The following PLOD2 variants were observed in gnomAD, a reference collection of about 807,000 sequenced individuals.
The protein encoded by PLOD2 is lysine hydroxylase 2.
A neutral mutation model predicts 101.0 loss-of-function variants in PLOD2; 65 were observed. The observed-to-expected ratio is 0.64, with a 90% CI of 0.53 to 0.79. PLOD2 has a LOEUF of 0.79. Among genes scored for constraint, PLOD2 ranks in the 30% least tolerant of loss-of-function variants. The pLI is 0.00. For missense variants in PLOD2, 909 were observed against 914.6 expected, an observed-to-expected ratio of 0.99 and a Z score of 0.08; for synonymous variants, 314 against 302.9, an observed-to-expected ratio of 1.04 and a Z score of -0.38.
intron 1 of PLOD2, among the ~76,000 whole-genome samples, chr3:146,150,289 T>G (rs1311060757): frequency 6.6e-6 from 1 of 152,178 alleles, no homozygotes; most frequent in Admixed American, 6.5e-5. Flanking sequence ...ATCCAAAAGT[T>G]GAATCTAGGT....
intron 14 of PLOD2, 135 bp from the exon 15 acceptor site, chr3:146,077,030 T>C (rs547395378): frequency 7.6e-7 from 1 of 1,307,428 alleles, no homozygotes; most frequent in East Asian, 2.7e-5. Flanking sequence ...AGTATTCATA[T>C]AAAATGTGCA....
At chr3:146,153,818 T>C (rs531528580) in intron 1 of PLOD2, among the ~76,000 whole-genome samples, 1 of 138,476 alleles carries the variant, frequency 7.2e-6, no homozygotes, top group East Asian at 2.1e-4. Flanking sequence ...AATTTTTACC[T>C]GTCCACAGCA....
At chr3:146,113,748 CAT>C (rs1937758295) in intron 3 of PLOD2, among the ~76,000 whole-genome samples, 1 of 152,074 alleles carries the variant, frequency 6.6e-6, no homozygotes, top group South Asian at 2.1e-4. Flanking sequence ...GTTAGTAAAT[CAT>C]GTGTGTTTAA....
chr3:146,138,479 A>C (rs2031358135), intron 1 of PLOD2, among the ~76,000 whole-genome samples: 1 of 152,182 alleles, frequency 6.6e-6, no homozygotes, highest in Non-Finnish European at 1.5e-5. Flanking sequence ...GGGTGACCTG[A>C]AGCAAAGGAA....
chr3:146,081,425 C>T (rs1444909229), intron 12 of PLOD2, among the ~76,000 whole-genome samples: 2 of 151,998 alleles, frequency 1.3e-5, no homozygotes, highest in Admixed American at 6.6e-5. Context: ...AAACTAAATC[C>T]CCTTTCCAAG....
chr3:146,126,105 T>G (rs2030542861), intron 1 of PLOD2, among the ~76,000 whole-genome samples: 1 of 152,164 alleles, frequency 6.6e-6, no homozygotes, highest in Admixed American at 6.6e-5. Context: ...GACAAAAATG[T>G]TACCAAATCC....
intron 10 of PLOD2, 199 bp from the exon 11 acceptor site, chr3:146,085,472 G>A: frequency 1.8e-6 from 1 of 556,786 alleles, no homozygotes; most frequent in Non-Finnish European, 3.2e-6. Context: ...GATATTCACA[G>A]GGAGCTCACC....
At chr3:146,142,147 C>T (rs891251958) in intron 1 of PLOD2, among the ~76,000 whole-genome samples, 7 of 152,014 alleles carry the variant, frequency 4.6e-5, no homozygotes, top group African/African-American at 1.4e-4. Flanking sequence ...AAGTATTTAT[C>T]CCTTGAAAGT....
chr3:146,148,948 A>G (rs1029418260), intron 1 of PLOD2, among the ~76,000 whole-genome samples: 1 of 152,236 alleles, frequency 6.6e-6, no homozygotes, highest in Non-Finnish European at 1.5e-5. Context: ...TTAATATGAA[A>G]TGCTACAACC....
chr3:146,150,890 T>A (rs533871929), intron 1 of PLOD2, among the ~76,000 whole-genome samples: 3 of 152,308 alleles, frequency 2.0e-5, no homozygotes, highest in East Asian at 3.9e-4. Context: ...AATAGCTTCA[T>A]AAAAACACCA....
At chr3:146,073,233 T>A (rs1936215041) in intron 16 of PLOD2, 54 bp downstream of exon 16, 8 of 698,386 alleles carry the variant, frequency 1.1e-5, no homozygotes, top group Non-Finnish European at 2.0e-5. Flanking sequence ...TAATAATATT[T>A]CTTCTGGAAA....
At chr3:146,152,474 A>G (rs1411281607) in intron 1 of PLOD2, among the ~76,000 whole-genome samples, 1 of 152,184 alleles carries the variant, frequency 6.6e-6, no homozygotes, top group African/African-American at 2.4e-5. Flanking sequence ...GGCTACAGTT[A>G]TGCTAATATG....
chr3:146,074,876 A>G (rs1005033790), intron 15 of PLOD2, among the ~76,000 whole-genome samples: 1 of 151,598 alleles, frequency 6.6e-6, no homozygotes, highest in African/African-American at 2.4e-5. Flanking sequence ...CTCACTAGGC[A>G]TATTAATCAG....
chr3:146,071,237 A>G, intron 18 of PLOD2, 40 bp downstream of exon 18: 1 of 1,611,446 alleles, frequency 6.2e-7, no homozygotes, highest in East Asian at 2.2e-5. Flanking sequence ...CTGTGTAAAA[A>G]TGGGTAAGAA....
chr3:146,117,347 G>A lies in PLOD2; in HGVS notation c.338+3765C>T, dbSNP rs188472444. 6.7e-3 allele frequency among the ~76,000 whole-genome samples: 1,017 copies of A among 152,180 alleles called. 7 individuals are homozygous for A. The highest frequency in any genetic ancestry group is 0.016 in the South Asian group (78 of 4,820). ...AGAGCTAACCTTAATTAAGAGTTTAGGAATTGTGTTACAGAATGGGCATCA... is the reference window on the plus strand; with the variant it reads ...AGAGCTAACCTTAATTAAGAGTTTAAGAATTGTGTTACAGAATGGGCATCA... On this transcript the variant is annotated intron_variant, in intron 3 of 19. Transcript: ENST00000282903.
At chr3:146,088,099 C>T (rs901765951) in intron 9 of PLOD2, among the ~76,000 whole-genome samples, 59 of 151,656 alleles carry the variant, frequency 3.9e-4, no homozygotes, top group African/African-American at 1.4e-3. Flanking sequence ...ATGTAGGGGG[C>T]TCTGAATATT....
chr3:146,124,779 T>C (rs2030450806), intron 1 of PLOD2, among the ~76,000 whole-genome samples: 1 of 152,166 alleles, frequency 6.6e-6, no homozygotes, highest in African/African-American at 2.4e-5. Context: ...CGGGATTGCT[T>C]TTTCATGAAA....
chr3:146,158,120 C>T (rs753648401), intron 1 of PLOD2, among the ~76,000 whole-genome samples: 11 of 152,026 alleles, frequency 7.2e-5, no homozygotes, highest in East Asian at 5.8e-4. Flanking sequence ...GGAGACATGA[C>T]GGCAAAGACT....
intron 7 of PLOD2, among the ~76,000 whole-genome samples, chr3:146,101,965 G>A (rs1010574611): frequency 3.3e-5 from 5 of 152,104 alleles, no homozygotes; most frequent in South Asian, 2.1e-4. Flanking sequence ...GCCAGCATGC[G>A]TTTTCCTTGC....
Sources: gnomAD v4.1 joint callset for allele counts (sites outside exome capture counted in the v4.1 genomes callset) on GRCh38, gnomAD v4.1.1 for gene constraint, MANE v1.5 for transcripts, NCBI Gene and HGNC (gene_info 2026-07-23, HGNC 2026-07-21) for gene names.